Variants in SLC2A8 observed in about 807,000 individuals in gnomAD.
The protein encoded by SLC2A8 is solute carrier family 2 member 8.
SLC2A8 carries 53 observed loss-of-function variants against 49.2 expected under a neutral mutation model. The ratio of observed to expected loss-of-function variants is 1.08; its 90% CI spans 0.86 to 1.35. The LOEUF (loss-of-function observed/expected upper bound fraction) is 1.35, where lower values mean the gene tolerates loss of function less well. Ranked by LOEUF, SLC2A8 falls within the 40% of genes most tolerant of loss-of-function variation. The probability of loss-of-function intolerance (pLI) is 0.00; values close to 1 mark genes in which losing one functional copy is unlikely to be tolerated. For missense variants in SLC2A8, 688 were observed against 671.7 expected (o/e 1.02, Z -0.27); for synonymous variants, 299 against 297.0 (o/e 1.01, Z -0.07).
chr9:127,407,471 C>A lies in SLC2A8; in HGVS notation c.*222C>A. The A allele has an allele frequency of 1.5e-6, 1 of 685,726 alleles. No homozygotes were observed. The highest frequency in any genetic ancestry group is 2.7e-6 in the Non-Finnish European group (1 of 367,666). The allele number at this position is 685,726 out of a possible 1,614,324, so 42.5% of individuals were successfully genotyped here. A position where few individuals can be genotyped will look rare whatever the true frequency, so the allele number is the denominator to read the frequency against. ...TGCTCTGAGGACTCAGGAACACCTTCGAGCTTTGCAGACCTGCGGTCAGCC... is the reference window on the plus strand; with the variant it reads ...TGCTCTGAGGACTCAGGAACACCTTAGAGCTTTGCAGACCTGCGGTCAGCC... On this transcript the variant is annotated 3_prime_UTR_variant, in exon 10 of 10. Coordinates refer to ENST00000373371, the MANE Select transcript of SLC2A8 (RefSeq NM_014580.5).
chr9:127,405,229 G>C (rs770322146), intron 8 of SLC2A8, among the ~76,000 whole-genome samples, 191 bp from the exon 9 acceptor site: 23 of 152,218 alleles, frequency 1.5e-4, no homozygotes, highest in Non-Finnish European at 2.8e-4. Context: ...CTCAGAGACA[G>C]AGCCTGTGCC....
rs1833115323 is a variant in SLC2A8 at position 127,398,105 on chromosome 9, G to T, written c.420G>T (p.Val140=). 1.3e-6 allele frequency: 2 copies of T among 1,576,842 alleles called. No homozygotes were observed. The highest frequency in any genetic ancestry group is 1.3e-5 in the African/African-American group (1 of 74,400). The change falls in exon 3 of 10, where the codon GTG becomes GTT. Residue 140 remains valine (V), a synonymous_variant. Transcript: ENST00000373371. The part of the protein sequence containing the change: ...TGLACGVASL[V]APVYISEIAY... ...TGGCCTGCGGTGTTGCCTCCCTAGTGGCCCCGGTGAGTGTCCCGTCTCTCG... is the reference window on the plus strand; with the variant it reads ...TGGCCTGCGGTGTTGCCTCCCTAGTTGCCCCGGTGAGTGTCCCGTCTCTCG...
At chr9:127,403,506 T>C in intron 5 of SLC2A8, 154 bp from the exon 6 acceptor site, 7 of 828,458 alleles carry the variant, frequency 8.4e-6, no homozygotes, top group Non-Finnish European at 1.3e-5. Context: ...AGGCTGGGAC[T>C]TGTCTGCACA....
At chr9:127,403,442 A>G in intron 5 of SLC2A8, 1 of 593,040 alleles carries the variant, frequency 1.7e-6, no homozygotes, top group Non-Finnish European at 3.0e-6. Flanking sequence ...GCTCCCCCCC[A>G]CCTATCAGGA....
rs533484169 is a variant in SLC2A8, at chr9:127,401,691, C to T, written c.527-866C>T. On this transcript the variant is annotated intron_variant, in intron 4 of 9. Coordinates refer to ENST00000373371, the MANE Select transcript of SLC2A8 (RefSeq NM_014580.5). ...TTCGATCCACTGGGGTGGGTGAACT[C>T]TGATAACTCCACAAAGTGACATGGT... Among the ~76,000 whole-genome samples, 7 of 152,318 alleles carry T rather than the reference C, an allele frequency of 4.6e-5. No individual in the cohort carries two copies. The East Asian group carries it at 1.3e-3, about 29-fold the overall frequency.
rs1273830788 is a variant in SLC2A8 at position 127,404,817 on chromosome 9, G to A, written c.977-1G>A. Reference sequence around the variant, plus strand: ...GCCCACTGCCGCCCTCCCGCCTGCAGGTGTGGTCATGGTGTTCAGCACGAG... The same window carrying A: ...GCCCACTGCCGCCCTCCCGCCTGCAAGTGTGGTCATGGTGTTCAGCACGAG... On this transcript the variant is annotated splice_acceptor_variant, in intron 7 of 9. Coordinates refer to ENST00000373371, the MANE Select transcript of SLC2A8 (RefSeq NM_014580.5). LOFTEE classifies it high-confidence loss of function. 1.2e-6 allele frequency: 2 copies of A among 1,607,768 alleles called. No homozygotes were observed. Among genetic ancestry groups the A allele is most frequent in the Admixed American group, 1.7e-5 (1 of 59,882 alleles).
intron 2 of SLC2A8, 146 bp from the exon 3 acceptor site, chr9:127,397,759 G>T: frequency 9.3e-7 from 1 of 1,071,466 alleles, no homozygotes; most frequent in South Asian, 1.8e-5. Flanking sequence ...CTCGGGACGA[G>T]CACCGGGCCC....
chr9:127,404,004 T>G lies in SLC2A8; in HGVS notation c.913T>G (p.Phe305Val), dbSNP rs1833395324. The change falls in exon 7 of 10, where the codon TTC becomes GTC. Residue 305 changes from phenylalanine (F) to valine (V), a missense_variant. Coordinates refer to ENST00000373371, the MANE Select transcript of SLC2A8 (RefSeq NM_014580.5). ...SVVVGVIQVLFTAVAALIMDR... is the reference protein window; with the variant it reads ...SVVVGVIQVLVTAVAALIMDR... Reference sequence around the variant, plus strand: ...CGTCGTGGGTGTCATCCAGGTGCTGTTCACAGCTGTGGCGGCTCTCATCAT... The same window carrying G: ...CGTCGTGGGTGTCATCCAGGTGCTGGTCACAGCTGTGGCGGCTCTCATCAT... 1 of 1,608,432 alleles carries G rather than the reference T, an allele frequency of 6.2e-7. No individual in the cohort carries two copies. The highest frequency in any genetic ancestry group is 2.2e-5 in the East Asian group (1 of 44,680).
Position 127,407,434 on chromosome 9 carries a change from AGCTCCTGCT to A in SLC2A8, c.*189_*197del. On this transcript the variant is annotated 3_prime_UTR_variant, in exon 10 of 10. Coordinates refer to ENST00000373371, the MANE Select transcript of SLC2A8 (RefSeq NM_014580.5). ...TAGGAGGCTCACTGCCTCCTGTTCC[AGCTCCTGCT>A]GCTGCTCTGAGGACTCAGGAACACC... 1.3e-6 allele frequency: 1 copy of A among 756,468 alleles called. No individual in the cohort carries two copies. The highest frequency in any genetic ancestry group is 1.7e-5 in the African/African-American group (1 of 58,000). 46.9% of individuals were successfully genotyped at this position (756,468 alleles called of 1,614,324 possible).
At chr9:127,400,095 C>A in intron 4 of SLC2A8, 89 bp downstream of exon 4, 1 of 1,148,672 alleles carries the variant, frequency 8.7e-7, no homozygotes, top group South Asian at 1.3e-5. Context: ...GGTCAAGGGA[C>A]TTGTCTGAGG....
chr9:127,407,110 A>G lies in SLC2A8; in HGVS notation c.1297-2A>G. The G allele has an allele frequency of 2.5e-6, 4 of 1,613,084 alleles. No homozygotes were observed. The highest frequency in any genetic ancestry group is 3.4e-6 in the Non-Finnish European group (4 of 1,179,936). On this transcript the variant is annotated splice_acceptor_variant, in intron 9 of 9. Transcript: ENST00000373371. LOFTEE classifies it high-confidence loss of function. ...CACCCATGGCCTTTCCTCTCTCTGC[A>G]GGAGGTCCTCAGGCCCTATGGAGCC...
At chr9:127,404,219 C>G (rs1833406647) in intron 7 of SLC2A8, 152 bp downstream of exon 7, 1 of 612,184 alleles carries the variant, frequency 1.6e-6, no homozygotes, top group African/African-American at 1.8e-5. Flanking sequence ...TCACCAAGCA[C>G]TCACTGCAGG....
At chr9:127,400,786 C>T (rs979494109) in intron 4 of SLC2A8, among the ~76,000 whole-genome samples, 2 of 152,236 alleles carry the variant, frequency 1.3e-5, no homozygotes, top group Middle Eastern at 3.4e-3. Flanking sequence ...CAGGTGTGTT[C>T]TCATTAGAAA....
Position 127,399,962 on chromosome 9 carries a change from T to G in SLC2A8, c.482T>G (p.Val161Gly). The part of the protein sequence containing the change: ...PAVRGLLGSC[V>G]QLMVVVGILL... ...GTCCGGGGGTTGCTCGGCTCCTGTG[T>G]GCAGCTAATGGTCGTCGTCGGCATC... Residue 161 changes from valine (V) to glycine (G), a missense_variant, in exon 4 of 10, where the codon GTG becomes GGG. Val to Gly is a moderately radical substitution (Grantham distance 109, BLOSUM62 -3). Transcript: ENST00000373371. The surrounding 1 kb of genome is among the most constrained non-coding windows in gnomAD (Gnocchi z 4.2). 1 of 1,613,962 alleles carries G rather than the reference T, an allele frequency of 6.2e-7. No homozygotes were observed. The highest frequency in any genetic ancestry group is 8.5e-7 in the Non-Finnish European group (1 of 1,179,882).
At position 127,402,940 on chromosome 9, in the gene SLC2A8, G is replaced by A. The variant is rs971034856; in HGVS notation, c.723+187G>A. On this transcript the variant is annotated intron_variant, in intron 5 of 9. Coordinates refer to ENST00000373371, the MANE Select transcript of SLC2A8 (RefSeq NM_014580.5). The stretch of plus-strand genomic sequence containing the variant: ...CAGGCCAAGACAGCTGGAGCCCCAC[G>A]GAGCTGGGCCCTGGCCTCCAAAGTC... Among the ~76,000 whole-genome samples, 8 of 152,192 alleles carry A rather than the reference G, an allele frequency of 5.3e-5. No individual in the cohort carries two copies. In the East Asian group the frequency reaches 9.6e-4, roughly 18 times the overall value.
intron 9 of SLC2A8, among the ~76,000 whole-genome samples, chr9:127,406,372 C>T (rs12115375): frequency 1.3e-5 from 2 of 151,958 alleles, no homozygotes; most frequent in Non-Finnish European, 2.9e-5. Flanking sequence ...CAGGACTGCC[C>T]GGGGAGCACA....
chr9:127,406,552 G>GGAGA (rs139499911), intron 9 of SLC2A8, among the ~76,000 whole-genome samples: 48,934 of 151,844 alleles, frequency 0.32, 8,346 homozygotes, highest in Middle Eastern at 0.46. Flanking sequence ...CTTCGAGGAG[G>GGAGA]GAGAGATCGC....
rs778094680 is a variant in SLC2A8 at position 127,406,044 on chromosome 9, T to C, written c.1296+479T>C. 1.2e-5 allele frequency: 6 copies of C among 519,264 alleles called. No homozygotes were observed. The Admixed American group carries it at 1.2e-4, about 10-fold the overall frequency. 32.2% of individuals were successfully genotyped at this position (519,264 alleles called of 1,614,324 possible). ...TTCAGTTCATCCTGTTGCTGCCTTC[T>C]CACGGATGGACTGGCACAGGTGTGG... On this transcript the variant is annotated intron_variant, in intron 9 of 9. Transcript: ENST00000373371.
At chr9:127,400,166 C>CTTTTTTTTT (rs796202714) in intron 4 of SLC2A8, among the ~76,000 whole-genome samples, 160 bp downstream of exon 4, 9 of 116,824 alleles carry the variant, frequency 7.7e-5, no homozygotes, top group Non-Finnish European at 1.2e-4. Flanking sequence ...ATAGGTGAGT[C>CTTTTTTTTT]TTTTTTTTTT....
Sources: allele counts gnomAD v4.1 joint callset (sites outside exome capture counted in the v4.1 genomes callset), GRCh38; gene constraint gnomAD v4.1.1; non-coding constraint Gnocchi (gnomAD v3.1); transcripts MANE v1.5; gene names NCBI Gene and HGNC (gene_info 2026-07-23, HGNC 2026-07-21).